FKRP: variants seen among roughly 807,000 people sequenced by gnomAD.
FKRP encodes ribitol 5-phosphate transferase FKRP.
Under a neutral mutation model 30.6 loss-of-function variants are expected in FKRP, and 25 were observed. That is an observed-to-expected ratio of 0.82 (90% confidence interval 0.60 to 1.14). FKRP has a LOEUF of 1.14. FKRP is among the 50% of genes most tolerant of loss of function. The pLI is 0.00. For synonymous variants in FKRP, 358 were observed against 342.5 expected, an observed-to-expected ratio of 1.05 and a Z score of -0.50; for missense variants, 771 against 727.8, an observed-to-expected ratio of 1.06 and a Z score of -0.68.
chr19:46,746,498 C>A lies in FKRP; in HGVS notation c.-253+408C>A, dbSNP rs1389612871. 2.9e-5 allele frequency: 25 copies of A among 848,962 alleles called. No homozygotes were observed. The African/African-American group carries it at 4.5e-4, about 15-fold the overall frequency. 52.6% of individuals were successfully genotyped at this position (848,962 alleles called of 1,614,324 possible). On this transcript the variant is annotated intron_variant, in intron 1 of 3. Coordinates refer to ENST00000318584, the MANE Select transcript of FKRP (RefSeq NM_024301.5). ...GCCTGCGCGGCCGCGCCAACACCCCCCCCCCTCCCCCGCCGCAACCACCGC... is the reference window on the plus strand; with the variant it reads ...GCCTGCGCGGCCGCGCCAACACCCCACCCCCTCCCCCGCCGCAACCACCGC...
chr19:46,745,917 G>C (rs2054583506), upstream of FKRP: 12 of 279,278 alleles, frequency 4.3e-5, no homozygotes, highest in East Asian at 7.4e-5. Flanking sequence ...TCCCACCCCC[G>C]GTCCCTCCAC....
At chr19:46,747,329 T>C (rs1396280450) in intron 1 of FKRP, 1 of 151,602 alleles carries the variant, frequency 6.6e-6, no homozygotes, top group African/African-American at 2.4e-5. Context: ...CTGGTTACTA[T>C]GATAATAGAG....
At chr19:46,751,442 G>T (rs929429263) in intron 3 of FKRP, among the ~76,000 whole-genome samples, 3 of 151,910 alleles carry the variant, frequency 2.0e-5, no homozygotes, top group Non-Finnish European at 4.4e-5. Context: ...ACAATGGCAT[G>T]GTCTCAGCTC....
chr19:46,755,956 T>C lies in FKRP; in HGVS notation c.506T>C (p.Leu169Pro). 1.3e-6 allele frequency: 2 copies of C among 1,537,164 alleles called. No individual in the cohort carries two copies. Among genetic ancestry groups the C allele is most frequent in the Non-Finnish European group, 1.7e-6 (2 of 1,147,710 alleles). The change falls in exon 4 of 4, where the codon CTG (leucine) becomes CCG (proline). Residue 169 changes from leucine (L) to proline (P), a missense_variant. By Grantham distance (98) the Leu-to-Pro change is moderately conservative (BLOSUM62 -3). Transcript: ENST00000318584. ...GCCACGGCCAACCCTGCCAGGTGCC[T>C]GGCCCTGAACGTCAGCCTGCGAGAG... ...PVATANPARCLALNVSLREWT... is the reference protein window; with the variant it reads ...PVATANPARCPALNVSLREWT...
chr19:46,745,171 A>C (rs2054556255), upstream of FKRP, among the ~76,000 whole-genome samples: 1 of 151,328 alleles, frequency 6.6e-6, no homozygotes, highest in South Asian at 2.1e-4. Flanking sequence ...TCACCTCCAT[A>C]CTGGACATGC....
At chr19:46,745,366 C>T (rs183254898), upstream of FKRP, among the ~76,000 whole-genome samples, 1 of 152,308 alleles carries the variant, frequency 6.6e-6, no homozygotes, top group African/African-American at 2.4e-5. Context: ...GAACCCTTCC[C>T]TGCACTGTGC....
intron 1 of FKRP, chr19:46,746,416 T>C (rs2054621664): frequency 2.9e-6 from 3 of 1,035,740 alleles, no homozygotes; most frequent in South Asian, 4.5e-5. Flanking sequence ...CGGCGGCCGC[T>C]CGCTCCTCCA....
chr19:46,754,150 C>A (rs917321384), intron 3 of FKRP: 1 of 152,264 alleles, frequency 6.6e-6, no homozygotes, highest in African/African-American at 2.4e-5. Context: ...GCCATCCCCC[C>A]ACCTCAGCAT....
rs2054590626 is a variant in FKRP, at chr19:46,746,059, T to G, written c.-284T>G. 7.3e-4 allele frequency: 678 copies of G among 926,906 alleles called. No homozygotes were observed. Among genetic ancestry groups the G allele is most frequent in the East Asian group, 2.4e-3 (43 of 17,606 alleles). 57.4% of individuals were successfully genotyped at this position (926,906 alleles called of 1,614,324 possible). On this transcript the variant is annotated 5_prime_UTR_variant, in exon 1 of 4. Coordinates refer to ENST00000318584, the MANE Select transcript of FKRP (RefSeq NM_024301.5). ...CCCCCGCCGGCCGTCCCGGCGGCCA[T>G]TGCTCCAAGATGGCGGCGGCGGCGG...
chr19:46,751,371 AT>A (rs889360049), intron 3 of FKRP, among the ~76,000 whole-genome samples: 1 of 151,218 alleles, frequency 6.6e-6, no homozygotes, highest in Non-Finnish European at 1.5e-5. Context: ...GCCAAGATGC[AT>A]TTTTTTGTTT....
In FKRP at chr19:46,750,717, C is replaced by T. The variant is rs113926637; in HGVS notation, c.-40+2052C>T. Among the ~76,000 whole-genome samples the T allele has an allele frequency of 5.0e-3, 756 of 152,030 alleles. 8 individuals carry two copies. Among genetic ancestry groups the T allele is most frequent in the African/African-American group, 0.017 (720 of 41,470 alleles). On this transcript the variant is annotated intron_variant, in intron 3 of 3. Transcript: ENST00000318584. ...GCTGATTTTTGTATTTTTTTAGAGACGGGGTTTTGCTATATTGCCCAGGCT... is the reference window on the plus strand; with the variant it reads ...GCTGATTTTTGTATTTTTTTAGAGATGGGGTTTTGCTATATTGCCCAGGCT...
chr19:46,747,489 G>A (rs1219482952), intron 1 of FKRP: 1 of 150,680 alleles, frequency 6.6e-6, no homozygotes, highest in Non-Finnish European at 1.5e-5. Context: ...CGCCTCCCCG[G>A]TTCAAGCCGT....
At position 46,755,731 on chromosome 19, in the gene FKRP, C is replaced by G; in HGVS notation, c.281C>G (p.Pro94Arg). 2.5e-6 allele frequency: 4 copies of G among 1,570,186 alleles called. No homozygotes were observed. The highest frequency in any genetic ancestry group is 2.6e-6 in the Non-Finnish European group (3 of 1,165,260). ...DTLPYPPLALPRIPNVRLALL... is the reference protein window; with the variant it reads ...DTLPYPPLALRRIPNVRLALL... Reference sequence around the variant, plus strand: ...CTCCCCTACCCGCCCCTGGCCCTGCCCCGCATCCCCAACGTGCGTCTGGCG... The same window carrying G: ...CTCCCCTACCCGCCCCTGGCCCTGCGCCGCATCCCCAACGTGCGTCTGGCG... Residue 94 changes from proline (P) to arginine (R), a missense_variant, in exon 4 of 4, where the codon CCC becomes CGC. Physicochemically the swap from Pro to Arg is moderately radical, Grantham distance 103 (BLOSUM62 -2). Coordinates refer to ENST00000318584, the MANE Select transcript of FKRP (RefSeq NM_024301.5).
chr19:46,749,894 T>C (rs1012195460), intron 3 of FKRP, among the ~76,000 whole-genome samples: 6 of 152,040 alleles, frequency 3.9e-5, no homozygotes, highest in African/African-American at 1.2e-4. Flanking sequence ...ATTTTTTAAA[T>C]TTTTTTGTAG....
chr19:46,747,734 TAG>T (rs2054688400), intron 1 of FKRP: 1 of 152,094 alleles, frequency 6.6e-6, no homozygotes, highest in South Asian at 2.1e-4. Context: ...CTCTCAGAGG[TAG>T]AGTGTGTCTA....
At position 46,756,392 on chromosome 19, in the gene FKRP, G is replaced by C. The variant is rs1208222911; in HGVS notation, c.942G>C (p.Thr314=). ...TPAYLYEERW[T]PPCCLRALRE... ...CCTACCTCTACGAGGAGCGCTGGAC[G>C]CCCCCCTGCTGCCTGCGCGCGCTGC... Residue 314 remains threonine (T), a synonymous_variant, in exon 4 of 4, where the codon ACG becomes ACC. Coordinates refer to ENST00000318584, the MANE Select transcript of FKRP (RefSeq NM_024301.5). The surrounding 1 kb of genome is among the most constrained non-coding windows in gnomAD (Gnocchi z 6.6). 1 of 1,567,114 alleles carries C rather than the reference G, an allele frequency of 6.4e-7. No homozygotes were observed. Among genetic ancestry groups the C allele is most frequent in the Non-Finnish European group, 8.6e-7 (1 of 1,157,332 alleles).
chr19:46,757,011 G>A lies in FKRP; in HGVS notation c.*73G>A, dbSNP rs1324625794. 10 of 1,583,558 alleles carry A rather than the reference G, an allele frequency of 6.3e-6. No homozygotes were observed. Among genetic ancestry groups the A allele is most frequent in the Non-Finnish European group, 7.8e-6 (9 of 1,159,066 alleles). Reference sequence around the variant, plus strand: ...GAGAAGCTCTGTGTGAGCGGTGAGGGGTGGAGGGATGTCGCGGAGAGGGGA... The same window carrying A: ...GAGAAGCTCTGTGTGAGCGGTGAGGAGTGGAGGGATGTCGCGGAGAGGGGA... On this transcript the variant is annotated 3_prime_UTR_variant, in exon 4 of 4. Coordinates refer to ENST00000318584, the MANE Select transcript of FKRP (RefSeq NM_024301.5).
chr19:46,749,408 CTTTT>C (rs34544320), intron 3 of FKRP, among the ~76,000 whole-genome samples: 2 of 114,850 alleles, frequency 1.7e-5, no homozygotes, highest in Admixed American at 9.6e-5. Context: ...CCTTTGTTTC[CTTTT>C]TTTTTTTTTT....
At chr19:46,745,931 C>T, upstream of FKRP, 1 of 473,306 alleles carries the variant, frequency 2.1e-6, no homozygotes, top group Admixed American at 4.7e-5. Context: ...CCTCCACTCC[C>T]ACCTCGGGCC....
Sources: allele counts gnomAD v4.1 joint callset (sites outside exome capture counted in the v4.1 genomes callset), GRCh38; gene constraint gnomAD v4.1.1; non-coding constraint Gnocchi (gnomAD v3.1); transcripts MANE v1.5; gene names NCBI Gene and HGNC (gene_info 2026-07-23, HGNC 2026-07-21).